MARCHF1: variants seen among roughly 807,000 people sequenced by gnomAD.
MARCHF1 encodes the protein membrane associated ring-CH-type finger 1.
In MARCHF1, 40 loss-of-function variants were observed where a neutral mutation model predicts 54.2. That is an observed-to-expected ratio of 0.74 (90% CI 0.57 to 0.96). The LOEUF (loss-of-function observed/expected upper bound fraction) is 0.96. Ranked by LOEUF, MARCHF1 falls within the 40% of genes least tolerant of loss-of-function variation. MARCHF1 has a pLI of 0.00. For missense variants in MARCHF1, 586 were observed against 656.5 expected (o/e 0.89, Z 1.17); for synonymous variants, 236 against 236.3 (o/e 1.00, Z 0.01).
At chr4:164,041,865 T>C (rs1754136723) in intron 2 of MARCHF1, among the ~76,000 whole-genome samples, 1 of 152,196 alleles carries the variant, frequency 6.6e-6, no homozygotes, top group Admixed American at 6.5e-5. Flanking sequence ...TCTTTGTAGC[T>C]ATCATAGAAC....
At chr4:163,984,011 C>G (rs192572440) in intron 3 of MARCHF1, among the ~76,000 whole-genome samples, 5 of 150,770 alleles carry the variant, frequency 3.3e-5, no homozygotes, top group Admixed American at 6.6e-5. Context: ...ATTTATTTTA[C>G]TAATAAATAA....
intron 3 of MARCHF1, among the ~76,000 whole-genome samples, chr4:163,916,945 CATT>C (rs1751320767): frequency 1.3e-5 from 2 of 152,074 alleles, no homozygotes; most frequent in Admixed American, 1.3e-4. Context: ...ATGTATCTAC[CATT>C]ATAGGATCAC....
At chr4:163,945,221 G>C (rs957936302) in intron 3 of MARCHF1, among the ~76,000 whole-genome samples, 1 of 152,034 alleles carries the variant, frequency 6.6e-6, no homozygotes, top group African/African-American at 2.4e-5. Flanking sequence ...AATCCTGGTT[G>C]TTGGCCAGAC....
rs1753140539 is a variant in MARCHF1 at position 163,999,263 on chromosome 4, T to C, written c.-247-10554A>G. Among the ~76,000 whole-genome samples the C allele has an allele frequency of 2.0e-5, 3 of 151,720 alleles. No homozygotes were observed. The South Asian group carries it at 6.2e-4, about 31-fold the overall frequency. ...AAAAACCGACAAAAAATGAAAATAATGCATGTAAACTCCTTGGTACATGGC... is the reference window on the plus strand; with the variant it reads ...AAAAACCGACAAAAAATGAAAATAACGCATGTAAACTCCTTGGTACATGGC... On this transcript the variant is annotated intron_variant, in intron 2 of 9. Transcript: ENST00000514618.
intron 4 of MARCHF1, among the ~76,000 whole-genome samples, chr4:163,760,489 T>A (rs1407440966): frequency 6.6e-6 from 1 of 152,126 alleles, no homozygotes; most frequent in Non-Finnish European, 1.5e-5. Flanking sequence ...GAGTAGAGAG[T>A]GATGCCTTTG....
chr4:164,191,052 G>A (rs1236965141), intron 1 of MARCHF1, among the ~76,000 whole-genome samples: 2 of 152,156 alleles, frequency 1.3e-5, no homozygotes, highest in Non-Finnish European at 2.9e-5. Flanking sequence ...ACAGAATTGT[G>A]CAAATCTCTT....
At chr4:163,793,348 C>G (rs1054387087) in intron 4 of MARCHF1, among the ~76,000 whole-genome samples, 6 of 152,110 alleles carry the variant, frequency 3.9e-5, no homozygotes, top group African/African-American at 1.4e-4. Context: ...TTCTTGGGAA[C>G]TGGATCTAGC....
At chr4:163,640,206 C>T (rs1742504811) in intron 5 of MARCHF1, among the ~76,000 whole-genome samples, 1 of 152,058 alleles carries the variant, frequency 6.6e-6, no homozygotes, top group Admixed American at 6.6e-5. Flanking sequence ...ATTCAGCAAT[C>T]AATTTTAGAG....
At chr4:164,224,939 A>T (rs1184534207) in intron 1 of MARCHF1, among the ~76,000 whole-genome samples, 1 of 152,046 alleles carries the variant, frequency 6.6e-6, no homozygotes, top group Non-Finnish European at 1.5e-5. Flanking sequence ...TAAAACATTA[A>T]TTTTATGACC....
At chr4:163,634,956 C>A (rs1742258897) in intron 5 of MARCHF1, among the ~76,000 whole-genome samples, 1 of 106,636 alleles carries the variant, frequency 9.4e-6, no homozygotes, top group Non-Finnish European at 1.8e-5. Flanking sequence ...CTCAAAACCG[C>A]TCAACTACAT....
intron 5 of MARCHF1, among the ~76,000 whole-genome samples, chr4:163,671,109 T>C (rs1743721409): frequency 6.6e-6 from 1 of 152,180 alleles, no homozygotes; most frequent in Admixed American, 6.5e-5. Context: ...GCTTTAGCAG[T>C]TGGATGCAGA....
intron 3 of MARCHF1, among the ~76,000 whole-genome samples, chr4:163,969,396 T>A (rs1214335082): frequency 6.6e-6 from 1 of 152,170 alleles, no homozygotes; most frequent in Admixed American, 6.5e-5. Context: ...AAAGAGATCC[T>A]TGTCAGTGTG....
chr4:163,767,177 T>G (rs1394501420), intron 4 of MARCHF1, among the ~76,000 whole-genome samples: 2 of 151,690 alleles, frequency 1.3e-5, no homozygotes, highest in Non-Finnish European at 2.9e-5. Flanking sequence ...ACTCTACAGT[T>G]TTTTTAGAAA....
At chr4:164,184,781 C>A (rs1730924552) in intron 1 of MARCHF1, among the ~76,000 whole-genome samples, 1 of 152,080 alleles carries the variant, frequency 6.6e-6, no homozygotes, top group Non-Finnish European at 1.5e-5. Flanking sequence ...TCTCAGCTAG[C>A]CATAATGCCT....
At position 163,528,918 on chromosome 4, in the gene MARCHF1, G is replaced by A. The variant is rs141347621; in HGVS notation, c.1468C>T (p.Arg490Cys). The change falls in exon 10 of 10, where the codon CGT (arginine) becomes TGT (cysteine). Residue 490 changes from arginine (R) to cysteine (C), a missense_variant. Arg to Cys is a radical substitution (Grantham distance 180, BLOSUM62 -3). This residue lies in a region of MARCHF1 where 106 missense variants were observed against 93.8 expected (regional missense o/e 1.13). Transcript: ENST00000514618. ...GGGCAATTTTGTACAAAGATCACAC[G>A]GTTGTAGGCCTTCAGCCTGCGCCAC... is the stretch of plus-strand genomic sequence containing the variant. ...QLWRRLKAYN[R>C]VIFVQNCPDT... 7 of 1,613,300 alleles carry A rather than the reference G, an allele frequency of 4.3e-6. No individual in the cohort carries two copies. The highest frequency in any genetic ancestry group is 2.7e-5 in the African/African-American group (2 of 74,964).
At chr4:163,682,285 C>G (rs1744129684) in intron 5 of MARCHF1, among the ~76,000 whole-genome samples, 2 of 152,116 alleles carry the variant, frequency 1.3e-5, no homozygotes, top group Admixed American at 1.3e-4. Context: ...AAATTTGCAG[C>G]CTGACAATGT....
chr4:163,975,224 A>C (rs1314053233), intron 3 of MARCHF1, among the ~76,000 whole-genome samples: 2 of 151,712 alleles, frequency 1.3e-5, no homozygotes, highest in African/African-American at 4.8e-5. Context: ...ACACACACAC[A>C]CACACTTCCT....
intron 7 of MARCHF1, among the ~76,000 whole-genome samples, chr4:163,611,812 A>AT (rs565746047): frequency 1.0e-3 from 153 of 152,184 alleles, no homozygotes; most frequent in Middle Eastern, 3.4e-3. Context: ...GAGTCAAACA[A>AT]TTGGAGAACA....
At chr4:164,153,300 C>A (rs116806877) in intron 1 of MARCHF1, among the ~76,000 whole-genome samples, 3 of 151,994 alleles carry the variant, frequency 2.0e-5, no homozygotes, top group Non-Finnish European at 4.4e-5. Context: ...CTCTTTTTAT[C>A]GACTTAAAAA....
Sources: gnomAD v4.1 joint callset for allele counts (sites outside exome capture counted in the v4.1 genomes callset) on GRCh38, gnomAD v4.1.1 for gene constraint, gnomAD v4.1.1 regional missense constraint, MANE v1.5 for transcripts, NCBI Gene and HGNC (gene_info 2026-07-23, HGNC 2026-07-21) for gene names.